TNKS2: variants seen among roughly 807,000 people sequenced by gnomAD.
TNKS2 encodes tankyrase 2.
In TNKS2, 72 loss-of-function variants were observed where a neutral mutation model predicts 137.6. That is an observed-to-expected ratio of 0.52 (90% CI 0.43 to 0.64). The LOEUF (loss-of-function observed/expected upper bound fraction) is 0.64. Among genes scored for constraint, TNKS2 ranks in the 30% least tolerant of loss-of-function variants. TNKS2 has a pLI of 0.00. For missense variants in TNKS2, 1,049 were observed against 1,410.2 expected (o/e 0.74, Z 4.10); for synonymous variants, 516 against 512.1 (o/e 1.01, Z -0.10).
intron 1 of TNKS2, among the ~76,000 whole-genome samples, chr10:91,807,962 C>CTTCA (rs1844382115): frequency 6.8e-6 from 1 of 146,152 alleles, no homozygotes; most frequent in Non-Finnish European, 1.5e-5. Context: ...GGCCACTGCA[C>CTTCA]TTCAGCCTGG....
chr10:91,819,940 C>A lies in TNKS2; in HGVS notation c.635C>A (p.Ser212Ter). 1 of 1,555,580 alleles carries A rather than the reference C, an allele frequency of 6.4e-7. No homozygotes were observed. ...VNCHASDGRK[S>*]TPLHLAAGYN... is the part of the protein sequence containing the mutation. ...TAATATATTTGATTAATATTTCAGT[C>A]AACTCCATTACATTTGGCAGCAGGA... Residue 212 changes from serine to a stop codon, truncating the protein, a stop_gained and splice_region_variant, in exon 6 of 27, where the codon TCA becomes TAA. Coordinates refer to ENST00000371627, the MANE Select transcript of TNKS2 (RefSeq NM_025235.4). LOFTEE classifies it high-confidence loss of function.
At chr10:91,850,761 G>A (rs548624304) in intron 20 of TNKS2, among the ~76,000 whole-genome samples, 17 of 152,112 alleles carry the variant, frequency 1.1e-4, no homozygotes, top group Non-Finnish European at 1.5e-4. Context: ...AAGGATTACC[G>A]TGAGCTAGGC....
chr10:91,840,068 C>T (rs1176712273), intron 13 of TNKS2, among the ~76,000 whole-genome samples: 2 of 152,162 alleles, frequency 1.3e-5, no homozygotes, highest in Non-Finnish European at 1.5e-5. Context: ...AGACCAGGCA[C>T]GGTGGCTCAC....
chr10:91,817,367 C>A, intron 3 of TNKS2, 138 bp downstream of exon 3: 1 of 526,322 alleles, frequency 1.9e-6, no homozygotes, highest in South Asian at 3.0e-5. Flanking sequence ...TTTTCTACGT[C>A]TAGATAGCTG....
At chr10:91,821,700 T>A (rs186503958) in intron 6 of TNKS2, among the ~76,000 whole-genome samples, 574 of 152,238 alleles carry the variant, frequency 3.8e-3, no homozygotes, top group Non-Finnish European at 5.3e-3. Flanking sequence ...AAAAAAGTTT[T>A]AAAAATGAGC....
At chr10:91,850,260 T>A (rs893782859) in intron 20 of TNKS2, among the ~76,000 whole-genome samples, 5 of 150,178 alleles carry the variant, frequency 3.3e-5, no homozygotes, top group Non-Finnish European at 7.4e-5. Context: ...TCCCACCTAC[T>A]CGGGAGGCTG....
At chr10:91,807,985 G>C (rs1388873182) in intron 1 of TNKS2, among the ~76,000 whole-genome samples, 3 of 114,290 alleles carry the variant, frequency 2.6e-5, no homozygotes, top group East Asian at 2.7e-4. Flanking sequence ...GACAGAGCGA[G>C]ACTCTGTCTC....
intron 18 of TNKS2, among the ~76,000 whole-genome samples, chr10:91,847,840 T>TA (rs1842424108): frequency 6.6e-6 from 1 of 152,226 alleles, no homozygotes; most frequent in African/African-American, 2.4e-5. Flanking sequence ...TAAAATCTCT[T>TA]ACCTTTTAAA....
intron 9 of TNKS2, 48 bp from the exon 10 acceptor site, chr10:91,830,875 A>G: frequency 7.1e-7 from 1 of 1,410,818 alleles, no homozygotes; most frequent in Non-Finnish European, 9.7e-7. Context: ...TGTTCTTAAA[A>G]TCAGTTATGT....
At chr10:91,832,303 G>A (rs1223288117) in intron 11 of TNKS2, among the ~76,000 whole-genome samples, 1 of 152,102 alleles carries the variant, frequency 6.6e-6, no homozygotes, top group Admixed American at 6.6e-5. Flanking sequence ...TTGAATTAGA[G>A]TTGTGACACT....
At chr10:91,824,494 G>A (rs1809886953) in intron 7 of TNKS2, among the ~76,000 whole-genome samples, 1 of 152,166 alleles carries the variant, frequency 6.6e-6, no homozygotes, top group Non-Finnish European at 1.5e-5. Context: ...TGGCTAGAAT[G>A]GAGGGAAAAA....
rs768210868 is a variant in TNKS2 at position 91,833,918 on chromosome 10, A to C, written c.1341A>C (p.Gln447His). 1 of 1,613,946 alleles carries C rather than the reference A, an allele frequency of 6.2e-7. No individual in the cohort carries two copies. Among genetic ancestry groups the C allele is most frequent in the Admixed American group, 1.7e-5 (1 of 60,006 alleles). ...LHRAAYCGHL[Q>H]TCRLLLSYGC... Reference sequence around the variant, plus strand: ...GAGCTGCATATTGTGGTCATCTACAAACCTGCCGCCTACTCCTGAGCTATG... The same window carrying C: ...GAGCTGCATATTGTGGTCATCTACACACCTGCCGCCTACTCCTGAGCTATG... The change falls in exon 12 of 27, where the codon CAA (glutamine) becomes CAC (histidine). Residue 447 changes from glutamine to histidine, a missense_variant. Coordinates refer to ENST00000371627, the MANE Select transcript of TNKS2 (RefSeq NM_025235.4).
chr10:91,853,861 A>G (rs891907603), intron 21 of TNKS2, among the ~76,000 whole-genome samples: 8 of 152,228 alleles, frequency 5.3e-5, no homozygotes, highest in African/African-American at 1.7e-4. Flanking sequence ...ACTTCCATGC[A>G]CTAACCCAGC....
Position 91,840,657 on chromosome 10 carries a change from G to T in TNKS2, c.1624G>T (p.Val542Leu). ...AGCTGGGTATAACAGAGTGTCCGTG[G>T]TGGAATATCTGCTACAGCATGGAGC... The part of the protein sequence containing the change: ...FAAGYNRVSV[V>L]EYLLQHGADV... The change falls in exon 14 of 27, where the codon GTG becomes TTG. Residue 542 changes from valine (V) to leucine (L), a missense_variant. By Grantham distance (32) the Val-to-Leu change is conservative (BLOSUM62 1). Transcript: ENST00000371627. 2 of 1,614,150 alleles carry T rather than the reference G, an allele frequency of 1.2e-6. No individual in the cohort carries two copies. The highest frequency in any genetic ancestry group is 1.7e-6 in the Non-Finnish European group (2 of 1,180,016).
intron 16 of TNKS2, 53 bp downstream of exon 16, chr10:91,842,444 T>A: frequency 1.3e-6 from 2 of 1,532,074 alleles, no homozygotes; most frequent in South Asian, 2.3e-5. Context: ...AGATTCATTT[T>A]ACCCAGGTAA....
Position 91,812,717 on chromosome 10 carries a change from T to C in TNKS2, c.200-266T>C, listed in dbSNP as rs570299813. 6 of 965,048 alleles carry C rather than the reference T, an allele frequency of 6.2e-6. No homozygotes were observed. The South Asian group carries it at 2.4e-4, about 38-fold the overall frequency. 59.8% of individuals were successfully genotyped at this position (965,048 alleles called of 1,614,324 possible). A position where few individuals can be genotyped will look rare whatever the true frequency, so the allele number is the denominator to read the frequency against. ...TGAACTTTGAGCTTTCAGTCACTTA[T>C]TTTGTATTCTTTCTTTGAGGTTAGC... On this transcript the variant is annotated intron_variant, in intron 1 of 26. Transcript: ENST00000371627.
At chr10:91,825,217 C>T (rs1845030366) in intron 7 of TNKS2, among the ~76,000 whole-genome samples, 2 of 152,118 alleles carry the variant, frequency 1.3e-5, no homozygotes, top group Admixed American at 1.3e-4. Flanking sequence ...ATCCTCCCAC[C>T]TCAGCCTCCC....
At chr10:91,812,689 A>G (rs1844547811) in intron 1 of TNKS2, 1 of 793,842 alleles carries the variant, frequency 1.3e-6, no homozygotes. Context: ...AGTGAGAAAC[A>G]TTTGAACTTT....
rs182355131 is a variant in TNKS2, at chr10:91,853,789, G to A, written c.2816-1240G>A. 2.0e-5 allele frequency among the ~76,000 whole-genome samples: 3 copies of A among 152,306 alleles called. No homozygotes were observed. In the East Asian group the frequency reaches 5.8e-4, roughly 29 times the overall value. On this transcript the variant is annotated intron_variant, in intron 21 of 26. Coordinates refer to ENST00000371627, the MANE Select transcript of TNKS2 (RefSeq NM_025235.4). The stretch of plus-strand genomic sequence containing the variant: ...GTTTATTAGCATTGGCATGTTGGTA[G>A]TAGTCCTGTTCTTCAGACCATAGCT...
Sources: allele counts gnomAD v4.1 joint callset (sites outside exome capture counted in the v4.1 genomes callset), GRCh38; gene constraint gnomAD v4.1.1; transcripts MANE v1.5; gene names NCBI Gene and HGNC (gene_info 2026-07-23, HGNC 2026-07-21).